Variants in ARL5A observed in about 807,000 individuals in gnomAD.
ARL5A encodes the protein ARF like GTPase 5A, also known as ADP-ribosylation factor-like protein 5A.
In ARL5A, 18 loss-of-function variants were observed where a neutral mutation model predicts 25.9. The observed-to-expected ratio is 0.69, with a 90% confidence interval of 0.48 to 1.03. The LOEUF (loss-of-function observed/expected upper bound fraction) is 1.03. Ranked by LOEUF, ARL5A falls within the 50% of genes least tolerant of loss-of-function variation. ARL5A has a pLI of 0.00. For missense variants in ARL5A, 170 were observed against 211.9 expected (o/e 0.80, Z 1.23); for synonymous variants, 61 against 67.5 (o/e 0.90, Z 0.47).
intron 2 of ARL5A, among the ~76,000 whole-genome samples, 164 bp from the exon 3 acceptor site, chr2:151,814,480 A>T (rs971907179): frequency 6.6e-6 from 1 of 152,150 alleles, no homozygotes; most frequent in South Asian, 2.1e-4. Context: ...CAGGGCTGGA[A>T]CTAGGTCGTA....
intron 3 of ARL5A, among the ~76,000 whole-genome samples, chr2:151,813,758 AAC>A (rs749396411): frequency 6.6e-6 from 1 of 152,226 alleles, no homozygotes; most frequent in Non-Finnish European, 1.5e-5. Context: ...TCAAAAGAAA[AAC>A]AATTATTTAA....
chr2:151,812,738 C>T (rs1396936062), intron 3 of ARL5A, among the ~76,000 whole-genome samples: 1 of 151,882 alleles, frequency 6.6e-6, no homozygotes, highest in African/African-American at 2.4e-5. Flanking sequence ...TATCTATTTG[C>T]ACTACAAATC....
At chr2:151,812,336 G>A (rs1160799508) in intron 4 of ARL5A, 21 bp downstream of exon 4, 3 of 1,518,396 alleles carry the variant, frequency 2.0e-6, no homozygotes, top group East Asian at 4.6e-5. Context: ...CATATCTAAT[G>A]TAAAAAGACT....
At position 151,812,454 on chromosome 2, in the gene ARL5A, A is replaced by G; in HGVS notation, c.256-14T>C. On this transcript the variant is annotated splice_polypyrimidine_tract_variant and intron_variant, in intron 3 of 5. Transcript: ENST00000295087. ...AACTATTACAAACTAAAATAATTACAAAAAAATTATTAGTGATTATACAAT... is the reference window on the plus strand; with the variant it reads ...AACTATTACAAACTAAAATAATTACGAAAAAATTATTAGTGATTATACAAT... 8 of 1,508,576 alleles carry G rather than the reference A, an allele frequency of 5.3e-6. No homozygotes were observed. The highest frequency in any genetic ancestry group is 7.2e-6 in the Non-Finnish European group (8 of 1,111,580). 93.4% of individuals were successfully genotyped at this position (1,508,576 alleles called of 1,614,324 possible). A position where few individuals can be genotyped will look rare whatever the true frequency, so the allele number is the denominator to read the frequency against.
At chr2:151,825,301 G>T (rs993330171) in intron 1 of ARL5A, among the ~76,000 whole-genome samples, 4 of 152,124 alleles carry the variant, frequency 2.6e-5, no homozygotes, top group African/African-American at 9.7e-5. Flanking sequence ...GGGGGAGGAG[G>T]AGGGAGGGAA....
rs766588581 is a variant in ARL5A at position 151,815,139 on chromosome 2, A to G, written c.107T>C (p.Phe36Ser). 1.9e-6 allele frequency: 3 copies of G among 1,601,178 alleles called. No individual in the cohort carries two copies. The highest frequency in any genetic ancestry group is 2.3e-5 in the South Asian group (2 of 88,768). ...AATTTTTAAAATAGTTAATACTTACAATTGGTAAAGAATGGTAGTTTTCCC... is the reference window on the plus strand; with the variant it reads ...AATTTTTAAAATAGTTAATACTTACGATTGGTAAAGAATGGTAGTTTTCCC... ...NAGKTTILYQ[F>S]SMNEVVHTSP... The change falls in exon 2 of 6, where the codon TTT (phenylalanine) becomes TCT (serine). Residue 36 changes from phenylalanine (F) to serine (S), a missense_variant and splice_region_variant. By Grantham distance (155) the Phe-to-Ser change is radical. Coordinates refer to ENST00000295087, the MANE Select transcript of ARL5A (RefSeq NM_012097.4).
chr2:151,819,200 T>C lies in ARL5A; in HGVS notation c.47-4001A>G, dbSNP rs111298857. On this transcript the variant is annotated intron_variant, in intron 1 of 5. Coordinates refer to ENST00000295087, the MANE Select transcript of ARL5A (RefSeq NM_012097.4). ...ACAGAGACAACGAAGTAAAAAACAGTACTCTCTCAGTTTCTTACAAGGGCC... is the reference window on the plus strand; with the variant it reads ...ACAGAGACAACGAAGTAAAAAACAGCACTCTCTCAGTTTCTTACAAGGGCC... Among the ~76,000 whole-genome samples, 954 of 152,314 alleles carry C rather than the reference T, an allele frequency of 6.3e-3. 10 individuals are homozygous for C. The highest frequency in any genetic ancestry group is 0.022 in the African/African-American group (900 of 41,560).
At chr2:151,805,758 C>T (rs2099830015) in intron 5 of ARL5A, among the ~76,000 whole-genome samples, 1 of 152,040 alleles carries the variant, frequency 6.6e-6, no homozygotes, top group African/African-American at 2.4e-5. Context: ...TTATTGTAAA[C>T]ATATAGTATT....
rs201640334 is a variant in ARL5A, at chr2:151,828,198, C to A, written c.-22G>T. 49 of 1,600,428 alleles carry A rather than the reference C, an allele frequency of 3.1e-5. No individual in the cohort carries two copies. The highest frequency in any genetic ancestry group is 2.2e-4 in the African/African-American group (16 of 73,822). ...CCATTCTCGGGCAGCGGACCCCCCC[C>A]CTCCAGACACCCGGGCCGCCTGGCT... On this transcript the variant is annotated 5_prime_UTR_variant, in exon 1 of 6. Coordinates refer to ENST00000295087, the MANE Select transcript of ARL5A (RefSeq NM_012097.4).
chr2:151,804,570 T>C (rs975372534), intron 5 of ARL5A, among the ~76,000 whole-genome samples: 1 of 152,140 alleles, frequency 6.6e-6, no homozygotes, highest in Admixed American at 6.6e-5. Context: ...TGTGACTAGA[T>C]TCATTACTTT....
chr2:151,811,586 T>C (rs1250548499), intron 4 of ARL5A, among the ~76,000 whole-genome samples: 1 of 152,286 alleles, frequency 6.6e-6, no homozygotes, highest in African/African-American at 2.4e-5. Context: ...TTTAATTTTA[T>C]TTTTTGAGAC....
intron 4 of ARL5A, among the ~76,000 whole-genome samples, chr2:151,808,672 AG>A (rs2099830424): frequency 6.6e-6 from 1 of 152,264 alleles, no homozygotes; most frequent in Admixed American, 6.5e-5. Context: ...AAACTTGAAG[AG>A]ATAAAGTATA....
At chr2:151,814,455 G>A (rs2099831238) in intron 2 of ARL5A, 139 bp from the exon 3 acceptor site, 3 of 665,992 alleles carry the variant, frequency 4.5e-6, no homozygotes, top group Non-Finnish European at 4.8e-6. Flanking sequence ...TTTACAACAT[G>A]AGTGAGGGTT....
At chr2:151,811,702 G>A (rs969469476) in intron 4 of ARL5A, among the ~76,000 whole-genome samples, 1 of 152,164 alleles carries the variant, frequency 6.6e-6, no homozygotes, top group Admixed American at 6.5e-5. Flanking sequence ...CTCACGAGTA[G>A]CTGGGACTAC....
Position 151,814,213 on chromosome 2 carries a change from C to G in ARL5A, c.211G>C (p.Glu71Gln), listed in dbSNP as rs1338396146. The part of the protein sequence containing the change: ...RFLMWDIGGQ[E>Q]SLRSSWNTYY... ...GTGTTCCAGGAAGAACGAAGAGATT[C>G]TTGGCCACCAATATCCCACATTAGG... The change falls in exon 3 of 6, where the codon GAA becomes CAA. Residue 71 changes from glutamate (E) to glutamine (Q), a missense_variant. Coordinates refer to ENST00000295087, the MANE Select transcript of ARL5A (RefSeq NM_012097.4). 2.5e-6 allele frequency: 4 copies of G among 1,607,214 alleles called. No individual in the cohort carries two copies. In the Admixed American group the frequency reaches 5.1e-5, roughly 20 times the overall value.
At chr2:151,821,403 G>A (rs1332455330) in intron 1 of ARL5A, among the ~76,000 whole-genome samples, 2 of 152,126 alleles carry the variant, frequency 1.3e-5, no homozygotes, top group Non-Finnish European at 2.9e-5. Flanking sequence ...AACATAAGCA[G>A]AACCTGGAAA....
chr2:151,828,214 C>CCGCCTGGCTTCCCCCGGCT lies in ARL5A; in HGVS notation c.-57_-39dup. 6.3e-7 allele frequency: 1 copy of CCGCCTGGCTTCCCCCGGCT among 1,595,766 alleles called. No individual in the cohort carries two copies. The highest frequency in any genetic ancestry group is 8.6e-7 in the Non-Finnish European group (1 of 1,167,532). On this transcript the variant is annotated 5_prime_UTR_variant, in exon 1 of 6. Transcript: ENST00000295087. The stretch of plus-strand genomic sequence containing the variant: ...GACCCCCCCCCTCCAGACACCCGGG[C>CCGCCTGGCTTCCCCCGGCT]CGCCTGGCTTCCCCCGGCTCAGGCT...
chr2:151,819,748 T>C (rs1174944878), intron 1 of ARL5A, among the ~76,000 whole-genome samples: 2 of 145,342 alleles, frequency 1.4e-5, no homozygotes, highest in African/African-American at 2.6e-5. Flanking sequence ...AGGCAAAAAC[T>C]ACTGAAAAAA....
intron 1 of ARL5A, among the ~76,000 whole-genome samples, chr2:151,826,297 T>C (rs2099833047): frequency 6.6e-6 from 1 of 152,206 alleles, no homozygotes; most frequent in Non-Finnish European, 1.5e-5. Flanking sequence ...TTCATTAATT[T>C]CTCTATTAAT....
Sources: gnomAD v4.1 joint callset for allele counts (sites outside exome capture counted in the v4.1 genomes callset) on GRCh38, gnomAD v4.1.1 for gene constraint, MANE v1.5 for transcripts, NCBI Gene and HGNC (gene_info 2026-07-23, HGNC 2026-07-21) for gene names.